The following GPHN variants were observed in gnomAD, a reference collection of about 807,000 sequenced individuals.
The protein encoded by GPHN is gephyrin.
A neutral mutation model predicts 95.5 loss-of-function variants in GPHN; 17 were observed. The ratio of observed to expected loss-of-function variants is 0.18; its 90% CI spans 0.12 to 0.27. The LOEUF (loss-of-function observed/expected upper bound fraction) is 0.27, where lower values mean the gene tolerates loss of function less well. Among genes scored for constraint, GPHN ranks in the 10% least tolerant of loss-of-function variants. GPHN has a pLI of 1.00. For synonymous variants in GPHN, 320 were observed against 322.5 expected, an observed-to-expected ratio of 0.99 and a Z score of 0.08; for missense variants, 660 against 978.1, an observed-to-expected ratio of 0.67 and a Z score of 4.34.
At chr14:67,572,099 T>C in the GPHN span, 1 of 1,588,064 alleles carries the variant, frequency 6.3e-7, no homozygotes, top group Admixed American at 1.7e-5. Context: ...CGGGGAGGTG[T>C]GGGACCCGGG....
the GPHN span, chr14:67,279,041 A>G: frequency 8.7e-6 from 7 of 807,042 alleles, no homozygotes. Context: ...ATACTTTTTC[A>G]TAGCATTATT....
chr14:67,436,507 G>C, the GPHN span, among the ~76,000 whole-genome samples: 1 of 152,196 alleles, frequency 6.6e-6, no homozygotes, highest in Admixed American at 6.5e-5. Flanking sequence ...AGCCTTGCAT[G>C]GTTCAGCCGA....
chr14:67,070,718 A>G (rs2076264990), intron 11 of GPHN, among the ~76,000 whole-genome samples: 1 of 140,206 alleles, frequency 7.1e-6, no homozygotes, highest in Non-Finnish European at 1.5e-5. Context: ...AAAAAAAAAT[A>G]TATATATATA....
At chr14:67,329,268 G>C in the GPHN span, among the ~76,000 whole-genome samples, 1 of 151,972 alleles carries the variant, frequency 6.6e-6, no homozygotes, top group Admixed American at 6.6e-5. Context: ...TCATGATTTG[G>C]CTCTCTCTTT....
At chr14:66,599,502 G>A (rs1464118256) in intron 1 of GPHN, among the ~76,000 whole-genome samples, 1 of 150,744 alleles carries the variant, frequency 6.6e-6, no homozygotes, top group Non-Finnish European at 1.5e-5. Flanking sequence ...GGTGGGAGGA[G>A]AAGGAGAAAA....
At chr14:66,765,812 A>C (rs1348922544) in intron 2 of GPHN, among the ~76,000 whole-genome samples, 1 of 152,240 alleles carries the variant, frequency 6.6e-6, no homozygotes, top group Non-Finnish European at 1.5e-5. Flanking sequence ...TGTATAATTT[A>C]TTATCTACAT....
At chr14:66,523,038 A>G (rs1256716883) in intron 1 of GPHN, among the ~76,000 whole-genome samples, 1 of 152,080 alleles carries the variant, frequency 6.6e-6, no homozygotes, top group Non-Finnish European at 1.5e-5. Context: ...TATTAATCCT[A>G]AATCTGAGGA....
chr14:67,451,545 T>C, the GPHN span, among the ~76,000 whole-genome samples: 2 of 152,360 alleles, frequency 1.3e-5, no homozygotes, highest in East Asian at 3.9e-4. Context: ...AAAGAGATCA[T>C]TTTGGAGCTT....
intron 1 of GPHN, among the ~76,000 whole-genome samples, chr14:66,641,905 T>G (rs769960971): frequency 3.3e-5 from 5 of 152,134 alleles, no homozygotes; most frequent in Non-Finnish European, 7.4e-5. Flanking sequence ...CTGAAATTTG[T>G]TTAGAAATTC....
At chr14:67,276,750 T>A in the GPHN span, among the ~76,000 whole-genome samples, 1 of 152,236 alleles carries the variant, frequency 6.6e-6, no homozygotes, top group African/African-American at 2.4e-5. Context: ...GAAATTTTTC[T>A]GAGAGCAAAG....
At chr14:67,264,389 G>A in the GPHN span, among the ~76,000 whole-genome samples, 6 of 152,020 alleles carry the variant, frequency 3.9e-5, no homozygotes, top group South Asian at 6.2e-4. Flanking sequence ...AATCTCATTC[G>A]TCTGTTTTTG....
At chr14:66,731,411 A>G (rs2071757754) in intron 2 of GPHN, among the ~76,000 whole-genome samples, 1 of 152,222 alleles carries the variant, frequency 6.6e-6, no homozygotes, top group Non-Finnish European at 1.5e-5. Flanking sequence ...TGAGGTGGCC[A>G]ATGAAGTCCA....
the GPHN span, among the ~76,000 whole-genome samples, chr14:67,645,096 T>G: frequency 0.13 from 19,429 of 152,136 alleles, 1,286 homozygotes; most frequent in East Asian, 0.22. Flanking sequence ...TTTAATGGTT[T>G]ACCCTGTTAA....
chr14:67,390,156 T>C, the GPHN span, among the ~76,000 whole-genome samples: 8 of 152,230 alleles, frequency 5.3e-5, no homozygotes, highest in African/African-American at 1.9e-4. Context: ...ATCAGAAACA[T>C]AAAAATGATT....
chr14:66,666,113 AG>A (rs2065938741), intron 1 of GPHN, among the ~76,000 whole-genome samples: 2 of 66,958 alleles, frequency 3.0e-5, no homozygotes, highest in African/African-American at 1.2e-4. Context: ...GGGTAGGGGG[AG>A]GGGGGAGGGA....
At chr14:66,965,026 A>G (rs2069221049) in intron 8 of GPHN, among the ~76,000 whole-genome samples, 165 bp from the exon 9 acceptor site, 1 of 152,164 alleles carries the variant, frequency 6.6e-6, no homozygotes, top group African/African-American at 2.4e-5. Flanking sequence ...TAAATCTGAA[A>G]GTTTCTATTC....
chr14:66,512,384 T>G (rs1566737060), intron 1 of GPHN, among the ~76,000 whole-genome samples: 2 of 151,876 alleles, frequency 1.3e-5, no homozygotes, highest in Non-Finnish European at 3.0e-5. Context: ...TAGAATCATA[T>G]AGATTATTCC....
At chr14:67,279,126 G>A in the GPHN span, 465 of 1,497,122 alleles carry the variant, frequency 3.1e-4, no homozygotes, top group Non-Finnish European at 3.3e-4. Flanking sequence ...TGGCTTATAG[G>A]AAAAATTGAT....
chr14:67,371,594 C>T, the GPHN span, among the ~76,000 whole-genome samples: 2 of 152,104 alleles, frequency 1.3e-5, no homozygotes, highest in African/African-American at 4.8e-5. Context: ...CTCTATTATT[C>T]CTAGGCTACA....
Sources: allele counts gnomAD v4.1 joint callset (sites outside exome capture counted in the v4.1 genomes callset), GRCh38; gene constraint gnomAD v4.1.1; transcripts MANE v1.5; gene names NCBI Gene and HGNC (gene_info 2026-07-23, HGNC 2026-07-21).